Variants in CUL9 observed in about 807,000 individuals in gnomAD.
The protein encoded by CUL9 is cullin 9.
CUL9 carries 79 observed loss-of-function variants against 272.6 expected under a neutral mutation model. The observed-to-expected ratio is 0.29, with a 90% CI of 0.24 to 0.35. CUL9 has a LOEUF of 0.35. Ranked by LOEUF, CUL9 falls within the 10% of genes least tolerant of loss-of-function variation. The pLI is 1.00. For missense variants in CUL9, 2,532 were observed against 3,255.6 expected (o/e 0.78, Z 5.41); for synonymous variants, 1,186 against 1,286.5 (o/e 0.92, Z 1.67).
chr6:43,187,170 C>G, intron 5 of CUL9, 75 bp downstream of exon 5: 5 of 1,604,120 alleles, frequency 3.1e-6, no homozygotes, highest in Non-Finnish European at 3.4e-6. Flanking sequence ...CACTTCTGAC[C>G]AGGAGCAGCC....
chr6:43,195,126 T>G (rs1365909045), intron 9 of CUL9, among the ~76,000 whole-genome samples: 3 of 152,146 alleles, frequency 2.0e-5, no homozygotes, highest in African/African-American at 7.2e-5. Flanking sequence ...CTCAGCTAAC[T>G]AGGGGAGGGT....
intron 24 of CUL9, 52 bp downstream of exon 24, chr6:43,205,475 G>C: frequency 6.3e-7 from 1 of 1,581,560 alleles, no homozygotes; most frequent in Non-Finnish European, 8.7e-7. Flanking sequence ...TCTAGAGAGT[G>C]GAAAGATTTG....
intron 17 of CUL9, 135 bp from the exon 18 acceptor site, chr6:43,202,974 G>A: frequency 8.4e-7 from 1 of 1,194,964 alleles, no homozygotes; most frequent in Non-Finnish European, 1.2e-6. Context: ...TAGGGATGCA[G>A]AGCCACGTCC....
In CUL9 at chr6:43,199,167, C is replaced by G. The variant is rs975086268; in HGVS notation, c.3051-99C>G. 17 of 1,007,312 alleles carry G rather than the reference C, an allele frequency of 1.7e-5. No individual in the cohort carries two copies. The highest frequency in any genetic ancestry group is 2.6e-5 in the Non-Finnish European group (17 of 646,112). The allele number at this position is 1,007,312 out of a possible 1,614,324, so 62.4% of individuals were successfully genotyped here. A position where few individuals can be genotyped will look rare whatever the true frequency, so the allele number is the denominator to read the frequency against. ...GTCAGGCTGGTCTCGAACTCCCGAC[C>G]TCAGGTGATCCGCCCACTTCGGCCT... On this transcript the variant is annotated intron_variant, in intron 12 of 40. Coordinates refer to ENST00000252050, the MANE Select transcript of CUL9 (RefSeq NM_015089.4). This position sits in a 1 kb window ranked among gnomAD's most constrained non-coding sequence, Gnocchi z 4.4.
rs1477220634 is a variant in CUL9, at chr6:43,188,536, C to T, written c.2001C>T (p.Ala667=). The change falls in exon 8 of 41, where the codon GCC becomes GCT. Residue 667 remains alanine, a synonymous_variant. Coordinates refer to ENST00000252050, the MANE Select transcript of CUL9 (RefSeq NM_015089.4). ...CACCAATTTCAGAAATGGCCAGAGCCTTGCGGGGTCCCGGTCCTCGCAGCT... is the reference window on the plus strand; with the variant it reads ...CACCAATTTCAGAAATGGCCAGAGCTTTGCGGGGTCCCGGTCCTCGCAGCT... ...MKEAASEMAR[A]LRGPGPRSSL... 5 of 1,609,056 alleles carry T rather than the reference C, an allele frequency of 3.1e-6. No homozygotes were observed. Among genetic ancestry groups the T allele is most frequent in the Non-Finnish European group, 4.2e-6 (5 of 1,177,434 alleles).
chr6:43,217,640 C>A (rs931602355), intron 31 of CUL9, among the ~76,000 whole-genome samples: 1 of 152,212 alleles, frequency 6.6e-6, no homozygotes, highest in African/African-American at 2.4e-5. Context: ...CTTGTGTGCA[C>A]GTGCATGCGT....
At chr6:43,190,002 T>G (rs1773292313) in intron 8 of CUL9, among the ~76,000 whole-genome samples, 1 of 136,598 alleles carries the variant, frequency 7.3e-6, no homozygotes, top group African/African-American at 3.1e-5. Flanking sequence ...AATCACATTC[T>G]ACATGTTTCT....
chr6:43,185,505 G>T lies in CUL9; in HGVS notation c.645G>T (p.Glu215Asp). 1.2e-6 allele frequency: 2 copies of T among 1,614,022 alleles called. No homozygotes were observed. Among genetic ancestry groups the T allele is most frequent in the Non-Finnish European group, 1.7e-6 (2 of 1,180,022 alleles). ...CACTGAGCCAGCAAGATGGCATCGA[G>T]CAGCACATGGATTTTGACAGTCGCT... ...LLSLSQQDGI[E>D]QHMDFDSRYT... The change falls in exon 3 of 41, where the codon GAG (glutamate) becomes GAT (aspartate). Residue 215 changes from glutamate (E) to aspartate (D), a missense_variant. By Grantham distance (45) the Glu-to-Asp change is conservative. Coordinates refer to ENST00000252050, the MANE Select transcript of CUL9 (RefSeq NM_015089.4).
chr6:43,201,828 C>G (rs1241993583), intron 16 of CUL9, among the ~76,000 whole-genome samples: 1 of 152,178 alleles, frequency 6.6e-6, no homozygotes, highest in Non-Finnish European at 1.5e-5. Context: ...GAAAAGTAGG[C>G]AAAGGCAGAT....
rs867879705 is a variant in CUL9, at chr6:43,218,084, A to G, written c.6282+1581A>G. ...CTTGACCTCCCAAAGTGCTGGAATT[A>G]TAGGCATAAGCCACCACACCCAGCC... is the stretch of plus-strand genomic sequence containing the variant. On this transcript the variant is annotated intron_variant, in intron 31 of 40. Coordinates refer to ENST00000252050, the MANE Select transcript of CUL9 (RefSeq NM_015089.4). This position sits in a 1 kb window ranked among gnomAD's most constrained non-coding sequence, Gnocchi z 4.4. Among the ~76,000 whole-genome samples the G allele has an allele frequency of 2.0e-5, 3 of 152,242 alleles. No homozygotes were observed. The highest frequency in any genetic ancestry group is 4.4e-5 in the Non-Finnish European group (3 of 68,036).
Position 43,200,702 on chromosome 6 carries a change from A to G in CUL9, c.3515A>G (p.Lys1172Arg). 6.2e-7 allele frequency: 1 copy of G among 1,614,224 alleles called. No homozygotes were observed. Among genetic ancestry groups the G allele is most frequent in the Non-Finnish European group, 8.5e-7 (1 of 1,180,036 alleles). Residue 1172 changes from lysine (K) to arginine (R), a missense_variant, in exon 16 of 41, where the codon AAG (lysine) becomes AGG (arginine). Physicochemically the swap from Lys to Arg is conservative, Grantham distance 26. Coordinates refer to ENST00000252050, the MANE Select transcript of CUL9 (RefSeq NM_015089.4). This position sits in a 1 kb window ranked among gnomAD's most constrained non-coding sequence, Gnocchi z 4.0. ...VEVKEDKCWE[K>R]VEVSSNPHRA... is the part of the protein sequence containing the mutation. ...GTGAAGGAGGACAAGTGCTGGGAGA[A>G]GGTGGAGGTGTCCTCCAACCCGCAC...
rs1191723555 is a variant in CUL9 at position 43,199,859 on chromosome 6, CCCTCTCCTCAATCCTTACATGTCCTA to C, written c.3157-64_3157-39del. ...CAGCCACGACACTTCCTTTACTGAA[CCCTCTCCTCAATCCTTACATGTCCTA>C]CCTCTTGTTTCCTGTAAATTAATCT... On this transcript the variant is annotated intron_variant, in intron 13 of 40. Coordinates refer to ENST00000252050, the MANE Select transcript of CUL9 (RefSeq NM_015089.4). The surrounding 1 kb of genome is among the most constrained non-coding windows in gnomAD (Gnocchi z 4.4). The C allele has an allele frequency of 8.8e-6, 11 of 1,256,182 alleles. No homozygotes were observed. Among genetic ancestry groups the C allele is most frequent in the Non-Finnish European group, 1.3e-5 (11 of 861,504 alleles). The allele number at this position is 1,256,182 out of a possible 1,614,324, so 77.8% of individuals were successfully genotyped here.
chr6:43,215,912 C>G (rs1775895215), intron 30 of CUL9, among the ~76,000 whole-genome samples: 1 of 152,220 alleles, frequency 6.6e-6, no homozygotes, highest in African/African-American at 2.4e-5. Flanking sequence ...CTATTGGTCT[C>G]TTAGCACCCT....
Position 43,203,087 on chromosome 6 carries a change from C to T in CUL9, c.3754-22C>T, listed in dbSNP as rs540355941. ...GTTTCTGGAGGTGACAGTTCTCTCCCTCTTCTCCCCTGCCCTACCAGGTGA... is the reference window on the plus strand; with the variant it reads ...GTTTCTGGAGGTGACAGTTCTCTCCTTCTTCTCCCCTGCCCTACCAGGTGA... On this transcript the variant is annotated intron_variant, in intron 17 of 40. Coordinates refer to ENST00000252050, the MANE Select transcript of CUL9 (RefSeq NM_015089.4). The surrounding 1 kb of genome is among the most constrained non-coding windows in gnomAD (Gnocchi z 5.0). The T allele has an allele frequency of 6.2e-7, 1 of 1,611,942 alleles. No homozygotes were observed. Among genetic ancestry groups the T allele is most frequent in the African/African-American group, 1.3e-5 (1 of 74,980 alleles).
In CUL9 at chr6:43,187,445, A is replaced by G. The variant is rs1266810575; in HGVS notation, c.1581+6A>G. 6.2e-7 allele frequency: 1 copy of G among 1,613,522 alleles called. No homozygotes were observed. Among genetic ancestry groups the G allele is most frequent in the South Asian group, 1.1e-5 (1 of 91,066 alleles). The stretch of plus-strand genomic sequence containing the variant: ...TTTGGAAGAACCTGGATGAGGTATT[A>G]TAGGTCTGAGATACCTGGGGGTTTT... On this transcript the variant is annotated splice_donor_region_variant and intron_variant, in intron 6 of 40. Transcript: ENST00000252050.
chr6:43,205,556 C>T (rs1453672406), intron 24 of CUL9, 133 bp downstream of exon 24: 41 of 1,053,386 alleles, frequency 3.9e-5, no homozygotes, highest in South Asian at 2.0e-4. Flanking sequence ...GCTGGCCAGG[C>T]GCGGTGGCTC....
chr6:43,199,885 A>G lies in CUL9; in HGVS notation c.3157-44A>G, dbSNP rs541437310. On this transcript the variant is annotated intron_variant, in intron 13 of 40. Coordinates refer to ENST00000252050, the MANE Select transcript of CUL9 (RefSeq NM_015089.4). This position sits in a 1 kb window ranked among gnomAD's most constrained non-coding sequence, Gnocchi z 4.4. Reference sequence around the variant, plus strand: ...CCTCTCCTCAATCCTTACATGTCCTACCTCTTGTTTCCTGTAAATTAATCT... The same window carrying G: ...CCTCTCCTCAATCCTTACATGTCCTGCCTCTTGTTTCCTGTAAATTAATCT... The G allele has an allele frequency of 6.1e-6, 9 of 1,485,228 alleles. No homozygotes were observed. The highest frequency in any genetic ancestry group is 8.5e-6 in the Non-Finnish European group (9 of 1,064,164). The allele number at this position is 1,485,228 out of a possible 1,614,324, so 92.0% of individuals were successfully genotyped here.
At position 43,185,472 on chromosome 6, in the gene CUL9, C is replaced by G; in HGVS notation, c.612C>G (p.Val204=). 6.2e-7 allele frequency: 1 copy of G among 1,613,778 alleles called. No individual in the cohort carries two copies. The highest frequency in any genetic ancestry group is 8.5e-7 in the Non-Finnish European group (1 of 1,180,002). ...GGATTACAGGGAGTCGGGCTCACGT[C>G]CTTCTATCACTGAGCCAGCAAGATG... is the stretch of plus-strand genomic sequence containing the variant. The part of the protein sequence containing the change: ...AAHDAGSRAH[V]LLSLSQQDGI... Residue 204 remains valine, a synonymous_variant, in exon 3 of 41, where the codon GTC becomes GTG. Transcript: ENST00000252050.
At chr6:43,182,579 ACCT>A (rs1019667606) in intron 1 of CUL9, among the ~76,000 whole-genome samples, 1 of 149,820 alleles carries the variant, frequency 6.7e-6, no homozygotes, top group African/African-American at 2.5e-5. Context: ...TACACCTCCT[ACCT>A]CCTCCTATCC....
Sources: gnomAD v4.1 joint callset for allele counts (sites outside exome capture counted in the v4.1 genomes callset) on GRCh38, gnomAD v4.1.1 for gene constraint, Gnocchi (gnomAD v3.1) non-coding constraint, MANE v1.5 for transcripts, NCBI Gene and HGNC (gene_info 2026-07-23, HGNC 2026-07-21) for gene names.